Variants in GRM1 observed in about 807,000 individuals in gnomAD.
GRM1 encodes the protein glutamate metabotropic receptor 1.
GRM1 carries 33 observed loss-of-function variants against 90.9 expected under a neutral mutation model. The ratio of observed to expected loss-of-function variants is 0.36; its 90% CI spans 0.28 to 0.49. The LOEUF is 0.49. GRM1 is among the 20% of genes least tolerant of loss of function. The probability of loss-of-function intolerance (pLI) is 0.99; values close to 1 mark genes in which losing one functional copy is unlikely to be tolerated. For missense variants in GRM1, 1,190 were observed against 1,534.3 expected (o/e 0.78, Z 3.75); for synonymous variants, 700 against 613.2 (o/e 1.14, Z -2.09).
chr6:146,190,816 G>T (rs1034249455), intron 2 of GRM1, among the ~76,000 whole-genome samples: 4 of 151,986 alleles, frequency 2.6e-5, no homozygotes, highest in African/African-American at 9.7e-5. Context: ...GCTGAGCATT[G>T]CAATTTTCTC....
Position 146,436,944 on chromosome 6 carries a change from G to A in GRM1, c.*2148G>A, listed in dbSNP as rs1778612342. The A allele has an allele frequency of 6.6e-6, 1 of 152,578 alleles. No individual in the cohort carries two copies. Among genetic ancestry groups the A allele is most frequent in the Admixed American group, 6.5e-5 (1 of 15,270 alleles). 9.5% of individuals were successfully genotyped at this position (152,578 alleles called of 1,614,324 possible). A position where few individuals can be genotyped will look rare whatever the true frequency, so the allele number is the denominator to read the frequency against. On this transcript the variant is annotated 3_prime_UTR_variant, in exon 8 of 8. Transcript: ENST00000282753. ...ATATTTCATCATATTCTATTGCCAA[G>A]TTTAGTCAGTTCCACACCAAGAATG...
In GRM1 at chr6:146,333,110, A is replaced by C. The variant is rs189595187; in HGVS notation, c.1187-19140A>C. On this transcript the variant is annotated intron_variant, in intron 3 of 7. Transcript: ENST00000282753. ...AATATTATATGGGACAATGATCAGG[A>C]AAGTAGTTAAAAATATATTTGACCA... is the stretch of plus-strand genomic sequence containing the variant. Among the ~76,000 whole-genome samples, 15 of 152,318 alleles carry C rather than the reference A, an allele frequency of 9.8e-5. No individual in the cohort carries two copies. In the East Asian group the frequency reaches 2.7e-3, roughly 27 times the overall value.
chr6:146,300,268 A>C lies in GRM1; in HGVS notation c.951-4343A>C, dbSNP rs763078409. ...TAAAATGTTTTTGCACATTTAAAAA[A>C]TACTATTGTATTTCTGTTTTTTACT... On this transcript the variant is annotated intron_variant, in intron 2 of 7. Transcript: ENST00000282753. 6.7e-4 allele frequency among the ~76,000 whole-genome samples: 102 copies of C among 152,372 alleles called. 1 individual carries two copies. The highest frequency in any genetic ancestry group is 1.9e-3 in the African/African-American group (80 of 41,598).
intron 4 of GRM1, 90 bp downstream of exon 4, chr6:146,352,586 T>G: frequency 7.6e-7 from 1 of 1,324,104 alleles, no homozygotes; most frequent in African/African-American, 1.4e-5. Context: ...TTCCATGGTT[T>G]CTGGGTGCCA....
chr6:146,270,686 C>G (rs1782083362), intron 2 of GRM1, among the ~76,000 whole-genome samples: 1 of 152,126 alleles, frequency 6.6e-6, no homozygotes, highest in Non-Finnish European at 1.5e-5. Context: ...AAAAAATTAA[C>G]TGCCCTAAAC....
At chr6:146,148,394 AT>A (rs1387002103) in intron 1 of GRM1, among the ~76,000 whole-genome samples, 1 of 152,112 alleles carries the variant, frequency 6.6e-6, no homozygotes, top group Non-Finnish European at 1.5e-5. Context: ...ATTGATATAT[AT>A]TTTTAAAAAT....
At chr6:146,203,241 A>G (rs189774194) in intron 2 of GRM1, among the ~76,000 whole-genome samples, 1 of 145,742 alleles carries the variant, frequency 6.9e-6, no homozygotes, top group Non-Finnish European at 1.5e-5. Context: ...ATAAATAAAT[A>G]AATCCCTGAA....
intron 2 of GRM1, among the ~76,000 whole-genome samples, chr6:146,294,899 T>G (rs908897794): frequency 3.9e-5 from 6 of 152,220 alleles, no homozygotes; most frequent in Non-Finnish European, 8.8e-5. Context: ...TCTTTTACTT[T>G]TAATTATTCA....
chr6:146,177,642 A>G (rs1175991359), intron 2 of GRM1, among the ~76,000 whole-genome samples: 1 of 152,102 alleles, frequency 6.6e-6, no homozygotes, highest in African/African-American at 2.4e-5. Flanking sequence ...CATTATTTAA[A>G]TGGCATCTCT....
intron 5 of GRM1, among the ~76,000 whole-genome samples, chr6:146,370,869 C>A (rs1290979358): frequency 6.6e-6 from 1 of 152,024 alleles, no homozygotes; most frequent in East Asian, 1.9e-4. Context: ...ATATAGAGTG[C>A]CTAGCACATA....
chr6:146,416,358 C>G (rs1777783693), intron 7 of GRM1, among the ~76,000 whole-genome samples: 1 of 151,596 alleles, frequency 6.6e-6, no homozygotes, highest in South Asian at 2.1e-4. Flanking sequence ...ATTCAACTTT[C>G]TCCTGTATTA....
At chr6:146,259,925 T>C (rs116892854) in intron 2 of GRM1, among the ~76,000 whole-genome samples, 1,652 of 149,662 alleles carry the variant, frequency 0.011, 69 homozygotes, top group East Asian at 0.078. Context: ...TGTAAAAGCA[T>C]TCCAATTTCT....
intron 2 of GRM1, among the ~76,000 whole-genome samples, chr6:146,212,873 G>T (rs1779726785): frequency 6.6e-6 from 1 of 151,902 alleles, no homozygotes; most frequent in Non-Finnish European, 1.5e-5. Flanking sequence ...TTGTTAAATT[G>T]TTCTATTTTT....
At chr6:146,380,046 A>G (rs1393614816) in intron 5 of GRM1, among the ~76,000 whole-genome samples, 3 of 151,990 alleles carry the variant, frequency 2.0e-5, no homozygotes, top group Admixed American at 2.0e-4. Flanking sequence ...TGACTTTGCC[A>G]TAGTTGTGCT....
chr6:146,239,049 G>T (rs565607598), intron 2 of GRM1, among the ~76,000 whole-genome samples: 75 of 152,230 alleles, frequency 4.9e-4, no homozygotes, highest in Non-Finnish European at 9.4e-4. Flanking sequence ...TCCAGAGAAT[G>T]CAAGAACTAA....
intron 3 of GRM1, among the ~76,000 whole-genome samples, chr6:146,349,712 C>T (rs1785325889): frequency 6.6e-6 from 1 of 151,888 alleles, no homozygotes. Context: ...CTACATAATA[C>T]CCCATTGAAA....
chr6:146,244,440 C>G (rs974041411), intron 2 of GRM1, among the ~76,000 whole-genome samples: 3 of 152,182 alleles, frequency 2.0e-5, no homozygotes, highest in African/African-American at 7.2e-5. Flanking sequence ...TCCATTAACA[C>G]TTCGTAGTAA....
At chr6:146,154,362 G>C (rs553117432) in intron 1 of GRM1, among the ~76,000 whole-genome samples, 4 of 152,060 alleles carry the variant, frequency 2.6e-5, no homozygotes, top group Non-Finnish European at 5.9e-5. Context: ...CCTTCCTCGC[G>C]CCCTCTTCTG....
At chr6:146,422,420 A>G (rs915578706) in intron 7 of GRM1, among the ~76,000 whole-genome samples, 7 of 152,242 alleles carry the variant, frequency 4.6e-5, no homozygotes, top group African/African-American at 1.7e-4. Flanking sequence ...GATATTTTAA[A>G]TGTCTGAGTC....
Sources: allele counts gnomAD v4.1 joint callset (sites outside exome capture counted in the v4.1 genomes callset), GRCh38; gene constraint gnomAD v4.1.1; transcripts MANE v1.5; gene names NCBI Gene and HGNC (gene_info 2026-07-23, HGNC 2026-07-21).